PTPRM: variants seen among roughly 807,000 people sequenced by gnomAD.
The protein encoded by PTPRM is protein tyrosine phosphatase receptor type M, also known as receptor-type tyrosine-protein phosphatase mu.
In PTPRM, 47 loss-of-function variants were observed where a neutral mutation model predicts 186.7. That is an observed-to-expected ratio of 0.25 (90% CI 0.20 to 0.32). The LOEUF is 0.32. Among genes scored for constraint, PTPRM ranks in the 10% least tolerant of loss-of-function variants. The pLI is 1.00. For synonymous variants in PTPRM, 668 were observed against 674.9 expected (o/e 0.99, Z 0.16); for missense variants, 1,494 against 1,865.0 (o/e 0.80, Z 3.66).
chr18:8,238,978 C>CTTTTTTTTTTTTTTT (rs570808996), intron 14 of PTPRM, among the ~76,000 whole-genome samples: 1 of 143,242 alleles, frequency 7.0e-6, no homozygotes, highest in African/African-American at 2.6e-5. Context: ...CATAGCTTCT[C>CTTTTTTTTTTTTTTT]TTTTTTTTTT....
intron 7 of PTPRM, among the ~76,000 whole-genome samples, chr18:8,043,265 TA>T (rs1217951866): frequency 6.6e-6 from 1 of 152,178 alleles, no homozygotes; most frequent in East Asian, 1.9e-4. Flanking sequence ...TTCTTAGTAG[TA>T]TGCCTAGTAT....
chr18:8,271,326 A>T (rs2094768805), intron 19 of PTPRM, among the ~76,000 whole-genome samples: 1 of 151,486 alleles, frequency 6.6e-6, no homozygotes, highest in African/African-American at 2.4e-5. Context: ...GATTTATATA[A>T]TTAATATTAT....
intron 19 of PTPRM, among the ~76,000 whole-genome samples, chr18:8,275,703 A>G (rs1162013745): frequency 1.3e-5 from 2 of 152,166 alleles, no homozygotes; most frequent in Admixed American, 6.5e-5. Flanking sequence ...TGTCTATTTC[A>G]TAGGACTGTT....
intron 14 of PTPRM, among the ~76,000 whole-genome samples, chr18:8,182,362 A>G (rs1403798807): frequency 6.6e-6 from 1 of 152,122 alleles, no homozygotes; most frequent in African/African-American, 2.4e-5. Context: ...CCCTTGCTCC[A>G]CACCCTCCCT....
intron 2 of PTPRM, among the ~76,000 whole-genome samples, chr18:7,876,764 T>C (rs2048265035): frequency 6.6e-6 from 1 of 152,232 alleles, no homozygotes; most frequent in Admixed American, 6.5e-5. Context: ...ATTATTTATA[T>C]ATATACTTAC....
chr18:7,627,704 C>G (rs1197049525), intron 1 of PTPRM, among the ~76,000 whole-genome samples: 1 of 152,162 alleles, frequency 6.6e-6, no homozygotes, highest in Non-Finnish European at 1.5e-5. Flanking sequence ...CTTGGCTTTG[C>G]CAATGTTAAA....
chr18:7,935,006 T>C (rs2051715061), intron 5 of PTPRM, among the ~76,000 whole-genome samples: 2 of 152,158 alleles, frequency 1.3e-5, no homozygotes, highest in African/African-American at 2.4e-5. Flanking sequence ...TCAACCTTTC[T>C]AGGTGGCTTT....
chr18:7,691,306 G>A (rs536948155), intron 1 of PTPRM, among the ~76,000 whole-genome samples: 2 of 152,094 alleles, frequency 1.3e-5, no homozygotes, highest in Non-Finnish European at 2.9e-5. Context: ...CATATTATAT[G>A]TCTATATTTT....
At chr18:7,823,353 C>T (rs1183561691) in intron 2 of PTPRM, among the ~76,000 whole-genome samples, 5 of 152,324 alleles carry the variant, frequency 3.3e-5, no homozygotes, top group Middle Eastern at 3.4e-3. Flanking sequence ...GCATTTCACA[C>T]GTTTAGTTCC....
At chr18:7,604,397 C>T (rs566198346) in intron 1 of PTPRM, among the ~76,000 whole-genome samples, 85 of 152,288 alleles carry the variant, frequency 5.6e-4, no homozygotes, top group African/African-American at 1.8e-3. Flanking sequence ...AAACTTGATT[C>T]CTGTGGAATA....
intron 13 of PTPRM, among the ~76,000 whole-genome samples, chr18:8,134,184 C>T (rs1277330279): frequency 6.6e-6 from 1 of 152,204 alleles, no homozygotes; most frequent in African/African-American, 2.4e-5. Flanking sequence ...CTCAGCCTTT[C>T]TCTGTACAAA....
chr18:8,230,897 A>G (rs1032077941), intron 14 of PTPRM, among the ~76,000 whole-genome samples: 6 of 152,192 alleles, frequency 3.9e-5, no homozygotes, highest in African/African-American at 1.4e-4. Context: ...TTGGTATAAT[A>G]TATGCATTGT....
intron 7 of PTPRM, among the ~76,000 whole-genome samples, chr18:7,984,882 T>C (rs1370046098): frequency 7.7e-6 from 1 of 129,212 alleles, no homozygotes; most frequent in South Asian, 2.2e-4. Flanking sequence ...TACATATAAT[T>C]ATATATACAT....
At chr18:7,621,932 G>A (rs1043577783) in intron 1 of PTPRM, among the ~76,000 whole-genome samples, 2 of 152,176 alleles carry the variant, frequency 1.3e-5, no homozygotes, top group African/African-American at 4.8e-5. Flanking sequence ...AAACATCCAT[G>A]TACAGGTTTT....
intron 14 of PTPRM, among the ~76,000 whole-genome samples, chr18:8,158,566 G>A (rs948708409): frequency 6.6e-6 from 1 of 152,074 alleles, no homozygotes; most frequent in African/African-American, 2.4e-5. Flanking sequence ...GAAAAAAATA[G>A]TCCAATTTCT....
chr18:8,122,869 T>A (rs1289708586), intron 13 of PTPRM, among the ~76,000 whole-genome samples: 1 of 152,226 alleles, frequency 6.6e-6, no homozygotes, highest in Non-Finnish European at 1.5e-5. Flanking sequence ...GCTGATTGCA[T>A]TCCTTATAGA....
intron 3 of PTPRM, among the ~76,000 whole-genome samples, chr18:7,891,257 G>A (rs1357594416): frequency 1.3e-5 from 2 of 152,042 alleles, no homozygotes; most frequent in Non-Finnish European, 2.9e-5. Context: ...CTGCACTCCA[G>A]CCTGGGTGAC....
At position 7,944,144 on chromosome 18, in the gene PTPRM, C is replaced by T. The variant is rs866672539; in HGVS notation, c.664-5037C>T. On this transcript the variant is annotated intron_variant, in intron 5 of 32. Coordinates refer to ENST00000580170, the MANE Select transcript of PTPRM (RefSeq NM_001105244.2). ...TCTTCTACCCCTGGAAGATTTTTTT[C>T]CACTGAGGCTGTGATTCCTAGAGTC... Among the ~76,000 whole-genome samples, 94 of 152,154 alleles carry T rather than the reference C, an allele frequency of 6.2e-4. 1 individual carries two copies. In the Middle Eastern group the frequency reaches 0.01, roughly 17 times the overall value.
intron 1 of PTPRM, among the ~76,000 whole-genome samples, chr18:7,589,913 G>A (rs1409668567): frequency 6.6e-6 from 1 of 152,184 alleles, no homozygotes; most frequent in Admixed American, 6.5e-5. Context: ...AGCAGATAGA[G>A]CTGTAGAGAT....
Sources: gnomAD v4.1 joint callset for allele counts (sites outside exome capture counted in the v4.1 genomes callset) on GRCh38, gnomAD v4.1.1 for gene constraint, MANE v1.5 for transcripts, NCBI Gene and HGNC (gene_info 2026-07-23, HGNC 2026-07-21) for gene names.